STUM: variants seen among roughly 807,000 people sequenced by gnomAD.
STUM encodes the protein protein stum homolog.
STUM carries 8 observed loss-of-function variants against 15.3 expected under a neutral mutation model. That is an observed-to-expected ratio of 0.52 (90% CI 0.31 to 0.94). STUM has a LOEUF of 0.94. Ranked by LOEUF, STUM falls within the 40% of genes least tolerant of loss-of-function variation. STUM has a pLI of 0.05. For synonymous variants in STUM, 78 were observed against 88.7 expected, an observed-to-expected ratio of 0.88 and a Z score of 0.68; for missense variants, 142 against 204.9, an observed-to-expected ratio of 0.69 and a Z score of 1.87.
chr1:226,576,981 A>C (rs1370644508), intron 1 of STUM, among the ~76,000 whole-genome samples: 2 of 152,144 alleles, frequency 1.3e-5, no homozygotes, highest in African/African-American at 4.8e-5. Context: ...ACACTTCCTT[A>C]GTGACCACCG....
chr1:226,596,742 C>A, intron 1 of STUM, 60 bp from the exon 2 acceptor site: 2 of 1,483,716 alleles, frequency 1.3e-6, no homozygotes, highest in Non-Finnish European at 9.3e-7. Context: ...CAGCAATGAG[C>A]ACACAGACCC....
chr1:226,550,010 C>G (rs1667345887), intron 1 of STUM, among the ~76,000 whole-genome samples: 1 of 152,132 alleles, frequency 6.6e-6, no homozygotes, highest in East Asian at 1.9e-4. Flanking sequence ...CCTCCTCCAG[C>G]TTGGCACTGG....
chr1:226,586,790 C>T (rs1668005158), intron 1 of STUM, among the ~76,000 whole-genome samples: 1 of 152,174 alleles, frequency 6.6e-6, no homozygotes, highest in South Asian at 2.1e-4. Flanking sequence ...GCCACCGCTG[C>T]CCTCACCCAT....
chr1:226,552,391 C>G lies in STUM; in HGVS notation c.202+3285C>G, dbSNP rs1448786352. On this transcript the variant is annotated intron_variant, in intron 1 of 3. Transcript: ENST00000366788. The surrounding 1 kb of genome is among the most constrained non-coding windows in gnomAD (Gnocchi z 4.7). Reference sequence around the variant, plus strand: ...CTACTAATAAAGACCACCGTTGGTACCTTCATGTTCCAACAATTAGGGTGT... The same window carrying G: ...CTACTAATAAAGACCACCGTTGGTAGCTTCATGTTCCAACAATTAGGGTGT... Among the ~76,000 whole-genome samples, 1 of 152,174 alleles carries G rather than the reference C, an allele frequency of 6.6e-6. No homozygotes were observed. The highest frequency in any genetic ancestry group is 1.5e-5 in the Non-Finnish European group (1 of 68,032).
rs576235250 is a variant in STUM, at chr1:226,552,941, T to G, written c.202+3835T>G. 6.6e-6 allele frequency among the ~76,000 whole-genome samples: 1 copy of G among 152,322 alleles called. No individual in the cohort carries two copies. Among genetic ancestry groups the G allele is most frequent in the East Asian group, 1.9e-4 (1 of 5,194 alleles). On this transcript the variant is annotated intron_variant, in intron 1 of 3. Coordinates refer to ENST00000366788, the MANE Select transcript of STUM (RefSeq NM_001003665.4). This position sits in a 1 kb window ranked among gnomAD's most constrained non-coding sequence, Gnocchi z 4.7. ...AGAGCATGTTATCCACAAATACATA[T>G]AGACTAGAATTATACTCCTGGAATA... is the stretch of plus-strand genomic sequence containing the variant.
intron 1 of STUM, among the ~76,000 whole-genome samples, chr1:226,575,554 T>G (rs1571802832): frequency 1.3e-5 from 2 of 151,410 alleles, no homozygotes; most frequent in Admixed American, 6.6e-5. Context: ...GAGTGGGGGG[T>G]GGCTAAGTGG....
At chr1:226,561,936 C>T (rs989275873) in intron 1 of STUM, among the ~76,000 whole-genome samples, 2 of 143,420 alleles carry the variant, frequency 1.4e-5, no homozygotes, top group African/African-American at 2.6e-5. Flanking sequence ...AAAGGCCATG[C>T]ATTGTGTGAT....
chr1:226,578,338 C>A (rs1264706464), intron 1 of STUM, among the ~76,000 whole-genome samples: 1 of 148,094 alleles, frequency 6.8e-6, no homozygotes, highest in East Asian at 2.0e-4. Flanking sequence ...TAGTCCCCCA[C>A]ACCACCGCCC....
rs926731681 is a variant in STUM at position 226,549,607 on chromosome 1, C to T, written c.202+501C>T. ...GCCGGGCTAGATATACCTGCAGCCC[C>T]CTTTGGTTCGCGGAGTGCGGACCGC... is the stretch of plus-strand genomic sequence containing the variant. On this transcript the variant is annotated intron_variant, in intron 1 of 3. Transcript: ENST00000366788. The surrounding 1 kb of genome is among the most constrained non-coding windows in gnomAD (Gnocchi z 6.8). Among the ~76,000 whole-genome samples, 1 of 152,194 alleles carries T rather than the reference C, an allele frequency of 6.6e-6. No homozygotes were observed. The highest frequency in any genetic ancestry group is 1.5e-5 in the Non-Finnish European group (1 of 68,044).
chr1:226,568,160 C>T (rs1240168865), intron 1 of STUM, among the ~76,000 whole-genome samples: 1 of 152,244 alleles, frequency 6.6e-6, no homozygotes, highest in Non-Finnish European at 1.5e-5. Flanking sequence ...GGTCAGGAGA[C>T]TGTCCATTCT....
chr1:226,587,271 G>T (rs1363972392), intron 1 of STUM, among the ~76,000 whole-genome samples: 1 of 152,142 alleles, frequency 6.6e-6, no homozygotes, highest in Non-Finnish European at 1.5e-5. Context: ...GATGAGAACT[G>T]ATGTCACAGT....
chr1:226,566,816 G>A (rs1284867872), intron 1 of STUM, among the ~76,000 whole-genome samples: 1 of 152,324 alleles, frequency 6.6e-6, no homozygotes, highest in Non-Finnish European at 1.5e-5. Context: ...ATTTTTATAA[G>A]TGGGTTTTGT....
At position 226,602,802 on chromosome 1, in the gene STUM, C is replaced by A. The variant is rs1668292626; in HGVS notation, c.*762C>A. 1 of 152,248 alleles carries A rather than the reference C, an allele frequency of 6.6e-6. No individual in the cohort carries two copies. Among genetic ancestry groups the A allele is most frequent in the Non-Finnish European group, 1.5e-5 (1 of 68,056 alleles). 9.4% of individuals were successfully genotyped at this position (152,248 alleles called of 1,614,324 possible). A position where few individuals can be genotyped will look rare whatever the true frequency, so the allele number is the denominator to read the frequency against. Reference sequence around the variant, plus strand: ...GTTATTAGACTGAAGCAGGAGTGGGCAGACTAGCAGGCTTTCACCCAATAC... The same window carrying A: ...GTTATTAGACTGAAGCAGGAGTGGGAAGACTAGCAGGCTTTCACCCAATAC... On this transcript the variant is annotated 3_prime_UTR_variant, in exon 4 of 4. Transcript: ENST00000366788.
In STUM at chr1:226,600,604, G is replaced by A. The variant is rs1358631051; in HGVS notation, c.383-62G>A. ...TTCCCTGTGGCTCTGTTTTCAGGCT[G>A]TGTTTTCTCTTCTTCTCTCTCTCCT... is the stretch of plus-strand genomic sequence containing the variant. On this transcript the variant is annotated intron_variant, in intron 2 of 3. Coordinates refer to ENST00000366788, the MANE Select transcript of STUM (RefSeq NM_001003665.4). This position sits in a 1 kb window ranked among gnomAD's most constrained non-coding sequence, Gnocchi z 5.2. 6.3e-7 allele frequency: 1 copy of A among 1,599,306 alleles called. No homozygotes were observed.
rs904014865 is a variant in STUM at position 226,570,496 on chromosome 1, G to A, written c.202+21390G>A. Among the ~76,000 whole-genome samples the A allele has an allele frequency of 2.0e-5, 3 of 152,304 alleles. No homozygotes were observed. The East Asian group carries it at 5.8e-4, about 29-fold the overall frequency. On this transcript the variant is annotated intron_variant, in intron 1 of 3. Transcript: ENST00000366788. The stretch of plus-strand genomic sequence containing the variant: ...AACAGGTGGAGAAACTCAGAAGGCT[G>A]AACAGATGCAGTCGCCATTGTTTTA...
Position 226,608,439 on chromosome 1 carries a change from T to A in STUM, c.*6399T>A, listed in dbSNP as rs2102720709. 1 of 149,466 alleles carries A rather than the reference T, an allele frequency of 6.7e-6. No individual in the cohort carries two copies. The highest frequency in any genetic ancestry group is 2.1e-4 in the South Asian group (1 of 4,684). The allele number at this position is 149,466 out of a possible 1,614,324, so 9.3% of individuals were successfully genotyped here. Reference sequence around the variant, plus strand: ...TTCCCTGCTGTTGTGCGTGGTGCCATTTTTTTTTTAAACAACATATATAAA... The same window carrying A: ...TTCCCTGCTGTTGTGCGTGGTGCCAATTTTTTTTTAAACAACATATATAAA... On this transcript the variant is annotated 3_prime_UTR_variant, in exon 4 of 4. Coordinates refer to ENST00000366788, the MANE Select transcript of STUM (RefSeq NM_001003665.4). This position sits in a 1 kb window ranked among gnomAD's most constrained non-coding sequence, Gnocchi z 4.0.
rs1248336516 is a variant in STUM at position 226,548,935 on chromosome 1, G to A, written c.31G>A (p.Ala11Thr). MEPSHKDAETAAAAAAVAAAD... is the reference protein window; with the variant it reads MEPSHKDAETTAAAAAVAAAD... ...GCCCTCGCACAAAGACGCCGAGACG[G>A]CGGCGGCGGCGGCGGCGGTGGCGGC... The change falls in exon 1 of 4, where the codon GCG becomes ACG. Residue 11 changes from alanine to threonine, a missense_variant. Physicochemically the swap from Ala to Thr is moderately conservative, Grantham distance 58 (BLOSUM62 0). Coordinates refer to ENST00000366788, the MANE Select transcript of STUM (RefSeq NM_001003665.4). 4 of 1,392,090 alleles carry A rather than the reference G, an allele frequency of 2.9e-6. No homozygotes were observed. The highest frequency in any genetic ancestry group is 3.3e-5 in the Admixed American group (1 of 30,302). 86.2% of individuals were successfully genotyped at this position (1,392,090 alleles called of 1,614,324 possible).
In STUM at chr1:226,549,896, T is replaced by G; in HGVS notation, c.202+790T>G. On this transcript the variant is annotated intron_variant, in intron 1 of 3. Coordinates refer to ENST00000366788, the MANE Select transcript of STUM (RefSeq NM_001003665.4). This position sits in a 1 kb window ranked among gnomAD's most constrained non-coding sequence, Gnocchi z 6.8. ...TCCCACGTTTTAAAGCAGAGGCCCC[T>G]TACAGAGATGGTGCAGGAGGGTGAA... 6.6e-6 allele frequency among the ~76,000 whole-genome samples: 1 copy of G among 152,158 alleles called. No individual in the cohort carries two copies. Among genetic ancestry groups the G allele is most frequent in the South Asian group, 2.1e-4 (1 of 4,820 alleles).
rs1307616420 is a variant in STUM at position 226,603,853 on chromosome 1, T to C, written c.*1813T>C. 1.3e-5 allele frequency: 2 copies of C among 152,346 alleles called. No homozygotes were observed. The highest frequency in any genetic ancestry group is 2.9e-5 in the Non-Finnish European group (2 of 68,154). The allele number at this position is 152,346 out of a possible 1,614,324, so 9.4% of individuals were successfully genotyped here. ...CAGACCCCAACCCAGGCCTTTGCCT[T>C]CTTCTCTCCTGTTTGGAAGCCTCTG... On this transcript the variant is annotated 3_prime_UTR_variant, in exon 4 of 4. Coordinates refer to ENST00000366788, the MANE Select transcript of STUM (RefSeq NM_001003665.4).
Sources: gnomAD v4.1 joint callset for allele counts (sites outside exome capture counted in the v4.1 genomes callset) on GRCh38, gnomAD v4.1.1 for gene constraint, Gnocchi (gnomAD v3.1) non-coding constraint, MANE v1.5 for transcripts, NCBI Gene and HGNC (gene_info 2026-07-23, HGNC 2026-07-21) for gene names.